Variants in SPAG16 observed in about 807,000 individuals in gnomAD.
The protein encoded by SPAG16 is sperm-associated antigen 16 protein.
SPAG16 carries 86 observed loss-of-function variants against 80.4 expected under a neutral mutation model. The ratio of observed to expected loss-of-function variants is 1.07; its 90% CI spans 0.90 to 1.28. The LOEUF (loss-of-function observed/expected upper bound fraction) is 1.28. SPAG16 is among the 50% of genes most tolerant of loss of function. The probability of loss-of-function intolerance (pLI) is 0.00; values close to 1 mark genes in which losing one functional copy is unlikely to be tolerated. For synonymous variants in SPAG16, 294 were observed against 265.9 expected (o/e 1.11, Z -1.03); for missense variants, 870 against 765.3 (o/e 1.14, Z -1.61).
At chr2:213,810,974 A>C (rs924797232) in intron 10 of SPAG16, among the ~76,000 whole-genome samples, 2 of 152,072 alleles carry the variant, frequency 1.3e-5, no homozygotes, top group African/African-American at 2.4e-5. Context: ...TAGCTGTTTG[A>C]TCCTTCTTCT....
chr2:214,325,623 G>A (rs1224342215), intron 15 of SPAG16, among the ~76,000 whole-genome samples: 3 of 151,912 alleles, frequency 2.0e-5, no homozygotes, highest in Non-Finnish European at 4.4e-5. Flanking sequence ...GCCACATTAA[G>A]TATCATTATT....
chr2:214,331,662 G>T (rs981251729), intron 15 of SPAG16, among the ~76,000 whole-genome samples: 2 of 152,152 alleles, frequency 1.3e-5, no homozygotes, highest in Non-Finnish European at 2.9e-5. Context: ...CCCCGTCCAA[G>T]CAAAATATTC....
chr2:213,616,307 A>T (rs1432107549), intron 10 of SPAG16, among the ~76,000 whole-genome samples: 4 of 152,248 alleles, frequency 2.6e-5, no homozygotes, highest in Admixed American at 2.6e-4. Context: ...TGAGCAGATT[A>T]TACTATAAAT....
At chr2:213,563,253 T>A (rs563462956) in intron 10 of SPAG16, among the ~76,000 whole-genome samples, 3 of 151,554 alleles carry the variant, frequency 2.0e-5, no homozygotes, top group African/African-American at 7.3e-5. Context: ...AAATGACAGA[T>A]TTTTTTTTCA....
chr2:214,400,968 C>T (rs1701673707), intron 15 of SPAG16, among the ~76,000 whole-genome samples: 1 of 152,008 alleles, frequency 6.6e-6, no homozygotes, highest in South Asian at 2.1e-4. Context: ...GACCCTTTAG[C>T]ATTAATATAC....
At chr2:213,871,305 G>A (rs1330824486) in intron 11 of SPAG16, among the ~76,000 whole-genome samples, 1 of 151,882 alleles carries the variant, frequency 6.6e-6, no homozygotes, top group Non-Finnish European at 1.5e-5. Flanking sequence ...GGGAGAGGAG[G>A]GAATGTTAAA....
intron 10 of SPAG16, among the ~76,000 whole-genome samples, chr2:213,629,985 T>G (rs1326239080): frequency 6.6e-6 from 1 of 152,254 alleles, no homozygotes; most frequent in East Asian, 1.9e-4. Context: ...TTAACTAGTC[T>G]GTCACTATTT....
At chr2:214,091,999 C>G (rs1442508162) in intron 13 of SPAG16, among the ~76,000 whole-genome samples, 2 of 152,102 alleles carry the variant, frequency 1.3e-5, no homozygotes, top group East Asian at 3.9e-4. Flanking sequence ...ATACCTACTT[C>G]TGTGCATTTT....
intron 10 of SPAG16, among the ~76,000 whole-genome samples, chr2:213,749,189 CAG>C (rs1429246279): frequency 6.6e-5 from 10 of 151,908 alleles, no homozygotes; most frequent in Admixed American, 6.6e-4. Context: ...AAAAAACACT[CAG>C]AAAAACTTTA....
chr2:214,361,768 T>C (rs1456172861), intron 15 of SPAG16, among the ~76,000 whole-genome samples: 1 of 151,876 alleles, frequency 6.6e-6, no homozygotes, highest in Non-Finnish European at 1.5e-5. Context: ...CAACTCCAAG[T>C]AGACCCTTTC....
rs371240189 is a variant in SPAG16 at position 213,952,293 on chromosome 2, A to G, written c.1400+22148A>G. 6.6e-5 allele frequency among the ~76,000 whole-genome samples: 10 copies of G among 152,234 alleles called. No homozygotes were observed. The East Asian group carries it at 1.9e-3, about 29-fold the overall frequency. On this transcript the variant is annotated intron_variant, in intron 12 of 15. Coordinates refer to ENST00000331683, the MANE Select transcript of SPAG16 (RefSeq NM_024532.5). ...TGCAGAAATACATAAAAATGTAATT[A>G]ATAAAGAAAATAGAGGATAGAGCAT...
chr2:213,783,389 C>T (rs1202897422), intron 10 of SPAG16, among the ~76,000 whole-genome samples: 2 of 149,220 alleles, frequency 1.3e-5, no homozygotes, highest in Non-Finnish European at 3.0e-5. Context: ...TTTATATATA[C>T]CATGAGTTAT....
At chr2:213,503,736 G>A (rs1208948158) in intron 10 of SPAG16, among the ~76,000 whole-genome samples, 1 of 152,114 alleles carries the variant, frequency 6.6e-6, no homozygotes, top group Non-Finnish European at 1.5e-5. Context: ...AGGGAAATTG[G>A]TAAATGAAAG....
chr2:213,599,902 A>G (rs905991160), intron 10 of SPAG16, among the ~76,000 whole-genome samples: 1 of 152,024 alleles, frequency 6.6e-6, no homozygotes, highest in African/African-American at 2.4e-5. Flanking sequence ...GGGTTTCACC[A>G]TCTTGGTCAG....
chr2:213,540,864 C>G (rs534388442), intron 10 of SPAG16, among the ~76,000 whole-genome samples: 1 of 152,276 alleles, frequency 6.6e-6, no homozygotes, highest in South Asian at 2.1e-4. Flanking sequence ...CATTATGGTA[C>G]CTGCAGTACA....
At chr2:213,533,657 G>A (rs116284509) in intron 10 of SPAG16, among the ~76,000 whole-genome samples, 2,211 of 152,074 alleles carry the variant, frequency 0.015, 23 homozygotes, top group South Asian at 0.036. Context: ...TTTTTAGGAA[G>A]GAACTCTATT....
chr2:213,434,363 A>T (rs2070495908), intron 9 of SPAG16, among the ~76,000 whole-genome samples: 1 of 152,226 alleles, frequency 6.6e-6, no homozygotes. Flanking sequence ...TACTATTAAA[A>T]TACTAGAAAA....
chr2:213,419,113 C>T (rs534263311), intron 9 of SPAG16, among the ~76,000 whole-genome samples: 1 of 96,144 alleles, frequency 1.0e-5, no homozygotes, highest in African/African-American at 3.2e-5. Context: ...ATCCTCTACT[C>T]TTAGCTCCTC....
At chr2:213,824,545 T>A (rs1015614884) in intron 10 of SPAG16, among the ~76,000 whole-genome samples, 2 of 152,210 alleles carry the variant, frequency 1.3e-5, no homozygotes, top group African/African-American at 4.8e-5. Context: ...AAAAATGAGT[T>A]CACTGTAGAT....
Sources: allele counts gnomAD v4.1 joint callset (sites outside exome capture counted in the v4.1 genomes callset), GRCh38; gene constraint gnomAD v4.1.1; transcripts MANE v1.5; gene names NCBI Gene and HGNC (gene_info 2026-07-23, HGNC 2026-07-21).